Variants in SMYD3 observed in about 807,000 individuals in gnomAD.
The protein encoded by SMYD3 is SET and MYND domain containing 3.
In SMYD3, 36 loss-of-function variants were observed where a neutral mutation model predicts 57.7. That is an observed-to-expected ratio of 0.62 (90% CI 0.48 to 0.82). The LOEUF is 0.82. SMYD3 is among the 40% of genes least tolerant of loss of function. The probability of loss-of-function intolerance (pLI) is 0.00; values close to 1 mark genes in which losing one functional copy is unlikely to be tolerated. For synonymous variants in SMYD3, 211 were observed against 195.0 expected (o/e 1.08, Z -0.68); for missense variants, 515 against 538.8 (o/e 0.96, Z 0.44).
chr1:246,256,768 A>C (rs1419125553), intron 5 of SMYD3, among the ~76,000 whole-genome samples: 1 of 144,028 alleles, frequency 6.9e-6, no homozygotes, highest in Admixed American at 7.3e-5. Flanking sequence ...TAAATCATTA[A>C]ATTGGGATCT....
chr1:245,946,500 A>C (rs1168575860), intron 5 of SMYD3, among the ~76,000 whole-genome samples: 1 of 152,222 alleles, frequency 6.6e-6, no homozygotes, highest in Non-Finnish European at 1.5e-5. Flanking sequence ...CCCCTCACAA[A>C]GAAGCTATGA....
At chr1:246,029,789 T>G (rs554405842) in intron 5 of SMYD3, among the ~76,000 whole-genome samples, 1 of 151,040 alleles carries the variant, frequency 6.6e-6, no homozygotes, top group Non-Finnish European at 1.5e-5. Context: ...AAAACCACAA[T>G]GAAATATCAT....
At chr1:246,284,474 T>C (rs1278920378) in intron 5 of SMYD3, among the ~76,000 whole-genome samples, 1 of 151,630 alleles carries the variant, frequency 6.6e-6, no homozygotes, top group Non-Finnish European at 1.5e-5. Flanking sequence ...CAGACTGCAG[T>C]GGCTTGATCT....
intron 5 of SMYD3, among the ~76,000 whole-genome samples, chr1:246,309,942 C>A (rs2065047598): frequency 6.6e-6 from 1 of 152,150 alleles, no homozygotes; most frequent in Admixed American, 6.5e-5. Context: ...ATGAGGAAAT[C>A]TAGGTTTTTA....
At chr1:246,316,909 C>T (rs968324120) in intron 5 of SMYD3, among the ~76,000 whole-genome samples, 1 of 150,914 alleles carries the variant, frequency 6.6e-6, no homozygotes, top group African/African-American at 2.4e-5. Context: ...GCAGGAGAAT[C>T]GCTTGAACCT....
intron 5 of SMYD3, among the ~76,000 whole-genome samples, chr1:246,111,094 T>A (rs961456739): frequency 1.3e-5 from 2 of 151,830 alleles, no homozygotes; most frequent in African/African-American, 4.9e-5. Flanking sequence ...AACATCTTAG[T>A]ATAGCATATA....
chr1:246,316,427 T>C (rs894889392), intron 5 of SMYD3, among the ~76,000 whole-genome samples: 3 of 149,436 alleles, frequency 2.0e-5, no homozygotes, highest in African/African-American at 7.4e-5. Context: ...TGGCACAATC[T>C]CAGCTCGCTG....
intron 1 of SMYD3, among the ~76,000 whole-genome samples, chr1:246,443,116 A>T (rs2103021274): frequency 6.6e-6 from 1 of 152,274 alleles, no homozygotes; most frequent in African/African-American, 2.4e-5. Flanking sequence ...ATGTATTTGC[A>T]TTAAGTAACA....
At chr1:246,262,052 A>G (rs897781401) in intron 5 of SMYD3, among the ~76,000 whole-genome samples, 1 of 152,166 alleles carries the variant, frequency 6.6e-6, no homozygotes, top group East Asian at 1.9e-4. Context: ...ATGCTCTCCT[A>G]TTGTTACAGA....
intron 1 of SMYD3, among the ~76,000 whole-genome samples, chr1:246,457,865 C>T (rs1310298109): frequency 6.6e-6 from 1 of 152,194 alleles, no homozygotes; most frequent in Non-Finnish European, 1.5e-5. Flanking sequence ...AATGGACATC[C>T]TCATTCACTA....
intron 5 of SMYD3, among the ~76,000 whole-genome samples, chr1:246,155,411 A>G (rs2062007411): frequency 6.6e-6 from 1 of 152,222 alleles, no homozygotes; most frequent in South Asian, 2.1e-4. Flanking sequence ...GGAATACTCC[A>G]CTGATTGTTT....
At chr1:245,860,893 T>C (rs1457417183) in intron 9 of SMYD3, among the ~76,000 whole-genome samples, 4 of 152,242 alleles carry the variant, frequency 2.6e-5, no homozygotes, top group African/African-American at 9.6e-5. Flanking sequence ...TTGTACCTTA[T>C]TTTAACATTG....
intron 2 of SMYD3, among the ~76,000 whole-genome samples, chr1:246,352,878 T>C (rs1206698459): frequency 6.6e-6 from 1 of 152,202 alleles, no homozygotes; most frequent in Admixed American, 6.5e-5. Context: ...ATTAAGTGTT[T>C]TATTAATAAA....
At chr1:246,119,255 C>A (rs899791997) in intron 5 of SMYD3, among the ~76,000 whole-genome samples, 3 of 152,026 alleles carry the variant, frequency 2.0e-5, no homozygotes, top group African/African-American at 7.3e-5. Flanking sequence ...ACCTTGGCCT[C>A]CTAAAGTGCT....
At chr1:246,115,914 A>C (rs1486268122) in intron 5 of SMYD3, among the ~76,000 whole-genome samples, 1 of 152,078 alleles carries the variant, frequency 6.6e-6, no homozygotes, top group Non-Finnish European at 1.5e-5. Flanking sequence ...CAAGGCGGGC[A>C]GATCACCTGA....
At chr1:246,411,116 C>T (rs1192271730) in intron 1 of SMYD3, among the ~76,000 whole-genome samples, 3 of 151,992 alleles carry the variant, frequency 2.0e-5, no homozygotes, top group Admixed American at 6.6e-5. Context: ...TTCAAAAAAC[C>T]AGCTCCTGGA....
At position 245,845,184 on chromosome 1, in the gene SMYD3, C is replaced by CA. The variant is rs1334674727; in HGVS notation, c.1076+13311dup. On this transcript the variant is annotated intron_variant, in intron 10 of 11. Coordinates refer to ENST00000490107, the MANE Select transcript of SMYD3 (RefSeq NM_001167740.2). The stretch of plus-strand genomic sequence containing the variant: ...TTTGATTAATGAGAACCATTAAGAC[C>CA]AAAAAAACACTGAGCTTTGAGGCAT... 5.9e-5 allele frequency among the ~76,000 whole-genome samples: 9 copies of CA among 151,912 alleles called. No homozygotes were observed. The South Asian group carries it at 8.3e-4, about 14-fold the overall frequency.
At chr1:246,397,097 G>A (rs542975110) in intron 1 of SMYD3, among the ~76,000 whole-genome samples, 1 of 152,338 alleles carries the variant, frequency 6.6e-6, no homozygotes, top group South Asian at 2.1e-4. Context: ...ACCACTGTCA[G>A]TCTGTTGCCT....
intron 5 of SMYD3, among the ~76,000 whole-genome samples, chr1:246,237,102 AT>A (rs2063524930): frequency 6.6e-6 from 1 of 152,162 alleles, no homozygotes; most frequent in South Asian, 2.1e-4. Flanking sequence ...CCACTTGTCA[AT>A]TCTATGTGAA....
Sources: gnomAD v4.1 joint callset for allele counts (sites outside exome capture counted in the v4.1 genomes callset) on GRCh38, gnomAD v4.1.1 for gene constraint, MANE v1.5 for transcripts, NCBI Gene and HGNC (gene_info 2026-07-23, HGNC 2026-07-21) for gene names.